The following NDST4 variants were observed in gnomAD, a reference collection of about 807,000 sequenced individuals.
NDST4 encodes N-heparan sulfate sulfotransferase 4.
In NDST4, 63 loss-of-function variants were observed where a neutral mutation model predicts 100.8. The ratio of observed to expected loss-of-function variants is 0.62; its 90% CI spans 0.51 to 0.77. The LOEUF is 0.77. NDST4 is among the 30% of genes least tolerant of loss of function. NDST4 has a pLI of 0.00. For missense variants in NDST4, 943 were observed against 1,018.4 expected (o/e 0.93, Z 1.01); for synonymous variants, 377 against 361.8 (o/e 1.04, Z -0.48).
intron 6 of NDST4, among the ~76,000 whole-genome samples, chr4:114,887,236 T>C (rs1649402351): frequency 6.6e-6 from 1 of 152,176 alleles, no homozygotes; most frequent in Non-Finnish European, 1.5e-5. Context: ...ATGTGAGACA[T>C]TTTGGAAAGT....
At position 114,834,675 on chromosome 4, in the gene NDST4, T is replaced by C. The variant is rs144231467; in HGVS notation, c.2287-960A>G. 2.4e-3 allele frequency among the ~76,000 whole-genome samples: 371 copies of C among 152,294 alleles called. 1 individual carries two copies. The highest frequency in any genetic ancestry group is 8.6e-3 in the African/African-American group (359 of 41,560). On this transcript the variant is annotated intron_variant, in intron 11 of 13. Coordinates refer to ENST00000264363, the MANE Select transcript of NDST4 (RefSeq NM_022569.3). ...TGATATCAGGATGATGCTGGCCTTA[T>C]AAAATGAGTTAGGGAGGAGTCCCTC...
chr4:115,107,765 A>G (rs1461059260), intron 1 of NDST4, among the ~76,000 whole-genome samples: 1 of 152,132 alleles, frequency 6.6e-6, no homozygotes, highest in Non-Finnish European at 1.5e-5. Context: ...ATTAAAAATA[A>G]TAGAAAATAT....
rs1013774963 is a variant in NDST4, at chr4:114,912,573, C to T, written c.1536+22633G>A. On this transcript the variant is annotated intron_variant, in intron 6 of 13. Transcript: ENST00000264363. The stretch of plus-strand genomic sequence containing the variant: ...AAAGCATGAAAAGCAAGGAGGAAGA[C>T]GGTAGAATTAAACCTTCAAAGAAAA... 1.6e-4 allele frequency among the ~76,000 whole-genome samples: 25 copies of T among 152,116 alleles called. No homozygotes were observed. In the East Asian group the frequency reaches 2.9e-3, roughly 18 times the overall value.
chr4:115,074,015 C>T (rs970894045), intron 2 of NDST4, among the ~76,000 whole-genome samples: 3 of 151,740 alleles, frequency 2.0e-5, no homozygotes, highest in African/African-American at 7.2e-5. Context: ...TCTTCAAAAG[C>T]ACAGTTCAAT....
At chr4:114,863,099 T>C (rs1723951589) in intron 7 of NDST4, among the ~76,000 whole-genome samples, 1 of 152,188 alleles carries the variant, frequency 6.6e-6, no homozygotes, top group Admixed American at 6.5e-5. Context: ...AACATGTTTG[T>C]TCAGACTTTT....
intron 2 of NDST4, among the ~76,000 whole-genome samples, chr4:114,995,830 T>C (rs531737839): frequency 1.3e-3 from 204 of 152,216 alleles, no homozygotes; most frequent in Non-Finnish European, 2.3e-3. Context: ...GAAACTTGGG[T>C]TGTCCACTGA....
At chr4:114,900,017 T>C (rs921756111) in intron 6 of NDST4, among the ~76,000 whole-genome samples, 1 of 152,190 alleles carries the variant, frequency 6.6e-6, no homozygotes, top group East Asian at 1.9e-4. Flanking sequence ...TTAATAGATA[T>C]AATCCTAATA....
chr4:114,889,497 T>C (rs567615606), intron 6 of NDST4, among the ~76,000 whole-genome samples: 1 of 152,310 alleles, frequency 6.6e-6, no homozygotes, highest in East Asian at 1.9e-4. Context: ...TTGGCGGAGA[T>C]AATAAAACTT....
At chr4:115,083,259 T>C (rs1029039769) in intron 1 of NDST4, among the ~76,000 whole-genome samples, 5 of 152,064 alleles carry the variant, frequency 3.3e-5, no homozygotes, top group African/African-American at 1.2e-4. Flanking sequence ...GAGACCAGCC[T>C]GGACAACAAA....
At chr4:115,012,885 A>G (rs74832625) in intron 2 of NDST4, among the ~76,000 whole-genome samples, 10,083 of 152,068 alleles carry the variant, frequency 0.066, 1,083 homozygotes, top group African/African-American at 0.22. Context: ...AATTAAATGA[A>G]ATTCTGTCAT....
At chr4:114,979,395 G>GT (rs149838340) in intron 2 of NDST4, among the ~76,000 whole-genome samples, 6,808 of 145,286 alleles carry the variant, frequency 0.047, 288 homozygotes, top group African/African-American at 0.11. Flanking sequence ...CATGTTACTG[G>GT]TTTTTTTTTG....
At chr4:114,969,827 CTAA>C (rs942194080) in intron 4 of NDST4, among the ~76,000 whole-genome samples, 3 of 152,064 alleles carry the variant, frequency 2.0e-5, no homozygotes, top group Non-Finnish European at 4.4e-5. Flanking sequence ...TGGCATATAA[CTAA>C]TAATAGGATT....
chr4:114,852,439 T>C (rs143713301), intron 8 of NDST4, among the ~76,000 whole-genome samples: 3,120 of 152,232 alleles, frequency 0.02, 53 homozygotes, highest in Middle Eastern at 0.054. Context: ...GTACAACAAC[T>C]GAGACACATA....
intron 11 of NDST4, among the ~76,000 whole-genome samples, chr4:114,838,553 C>A (rs989541159): frequency 8.5e-5 from 13 of 152,070 alleles, no homozygotes; most frequent in Admixed American, 2.6e-4. Context: ...TCATTGTCAG[C>A]AAACTAACAC....
chr4:115,028,249 C>T (rs997099525), intron 2 of NDST4, among the ~76,000 whole-genome samples: 1 of 151,994 alleles, frequency 6.6e-6, no homozygotes, highest in African/African-American at 2.4e-5. Flanking sequence ...ATTCTTACCA[C>T]GAATGTCTGG....
intron 4 of NDST4, among the ~76,000 whole-genome samples, chr4:114,957,952 C>G (rs1726175125): frequency 6.6e-6 from 1 of 152,208 alleles, no homozygotes; most frequent in Non-Finnish European, 1.5e-5. Context: ...GTAGAGCCCC[C>G]TTCCTGGCTG....
At chr4:114,932,121 T>C (rs1725528526) in intron 6 of NDST4, among the ~76,000 whole-genome samples, 1 of 151,820 alleles carries the variant, frequency 6.6e-6, no homozygotes, top group African/African-American at 2.4e-5. Flanking sequence ...CCAAATTCAA[T>C]ACCAAATCAA....
chr4:114,997,392 A>G (rs963225870), intron 2 of NDST4, among the ~76,000 whole-genome samples: 1 of 152,140 alleles, frequency 6.6e-6, no homozygotes, highest in Non-Finnish European at 1.5e-5. Flanking sequence ...TAAAGGAAAA[A>G]TATATCTGTC....
chr4:114,835,098 C>A (rs1392943616), intron 11 of NDST4, among the ~76,000 whole-genome samples: 4 of 151,880 alleles, frequency 2.6e-5, no homozygotes, highest in Admixed American at 2.6e-4. Flanking sequence ...AAAGGTTTTT[C>A]ATGTCTATCT....
Sources: allele counts gnomAD v4.1 joint callset (sites outside exome capture counted in the v4.1 genomes callset), GRCh38; gene constraint gnomAD v4.1.1; transcripts MANE v1.5; gene names NCBI Gene and HGNC (gene_info 2026-07-23, HGNC 2026-07-21).